CNOT4: variants seen among roughly 807,000 people sequenced by gnomAD.
The protein encoded by CNOT4 is CCR4-NOT transcription complex subunit 4, also known as CCR4-associated factor 4.
Under a neutral mutation model 73.8 loss-of-function variants are expected in CNOT4, and 8 were observed. The ratio of observed to expected loss-of-function variants is 0.11; its 90% CI spans 0.06 to 0.20. The LOEUF is 0.20. Among genes scored for constraint, CNOT4 ranks in the 10% least tolerant of loss-of-function variants. The pLI, the probability that CNOT4 is intolerant of heterozygous loss-of-function variation, is 1.00. For synonymous variants in CNOT4, 293 were observed against 321.1 expected, an observed-to-expected ratio of 0.91 and a Z score of 0.94; for missense variants, 564 against 883.4, an observed-to-expected ratio of 0.64 and a Z score of 4.58.
At chr7:135,381,276 A>G (rs907934633) in intron 10 of CNOT4, among the ~76,000 whole-genome samples, 1 of 152,230 alleles carries the variant, frequency 6.6e-6, no homozygotes, top group Non-Finnish European at 1.5e-5. Flanking sequence ...ATAAAAACAC[A>G]CACACATTCA....
chr7:135,424,660 G>A (rs984074684), intron 2 of CNOT4, among the ~76,000 whole-genome samples: 1 of 152,060 alleles, frequency 6.6e-6, no homozygotes, highest in African/African-American at 2.4e-5. Flanking sequence ...GTGGTAGCAT[G>A]AGCCTGTAAT....
At chr7:135,438,917 A>C (rs533069888) in intron 1 of CNOT4, among the ~76,000 whole-genome samples, 1 of 152,312 alleles carries the variant, frequency 6.6e-6, no homozygotes, top group South Asian at 2.1e-4. Context: ...AACTCAGAAA[A>C]ACTCGGATGC....
intron 10 of CNOT4, among the ~76,000 whole-genome samples, chr7:135,382,991 T>C (rs746710176): frequency 2.0e-5 from 3 of 152,178 alleles, no homozygotes; most frequent in Non-Finnish European, 4.4e-5. Flanking sequence ...ATACAAAATA[T>C]AAGAAACAAG....
chr7:135,474,243 G>T (rs1269062181), intron 1 of CNOT4, among the ~76,000 whole-genome samples: 1 of 144,602 alleles, frequency 6.9e-6, no homozygotes, highest in African/African-American at 2.6e-5. Flanking sequence ...CTCCCAAAGT[G>T]CTGGGATTAC....
At chr7:135,493,535 G>A (rs1414175933) in intron 1 of CNOT4, among the ~76,000 whole-genome samples, 1 of 152,106 alleles carries the variant, frequency 6.6e-6, no homozygotes, top group African/African-American at 2.4e-5. Context: ...AATTCCACTG[G>A]GTTGCACAAT....
intron 1 of CNOT4, among the ~76,000 whole-genome samples, chr7:135,491,813 G>A (rs1466758556): frequency 6.6e-6 from 1 of 152,202 alleles, no homozygotes; most frequent in Admixed American, 6.5e-5. Context: ...AGAATGGCTA[G>A]GGCAATGTCC....
chr7:135,455,295 T>C (rs969218520), intron 1 of CNOT4, among the ~76,000 whole-genome samples: 16 of 150,108 alleles, frequency 1.1e-4, no homozygotes, highest in African/African-American at 3.4e-4. Context: ...AAAAACTATG[T>C]GGCGAAAAAA....
At chr7:135,459,358 T>C (rs924747114) in intron 1 of CNOT4, among the ~76,000 whole-genome samples, 9 of 152,184 alleles carry the variant, frequency 5.9e-5, no homozygotes, top group African/African-American at 1.7e-4. Context: ...GGACGCAGTT[T>C]ACCAACCTCT....
intron 10 of CNOT4, among the ~76,000 whole-genome samples, chr7:135,376,432 T>G (rs1414019865): frequency 7.2e-5 from 11 of 152,214 alleles, no homozygotes; most frequent in Admixed American, 7.2e-4. Context: ...CACTCGGGAC[T>G]GGCCATTCCA....
At chr7:135,483,411 T>C (rs1004164077) in intron 1 of CNOT4, among the ~76,000 whole-genome samples, 4 of 151,986 alleles carry the variant, frequency 2.6e-5, no homozygotes, top group Non-Finnish European at 5.9e-5. Context: ...ATTCCAGGTA[T>C]GCAAGGCTGG....
chr7:135,468,603 C>G (rs1182715725), intron 1 of CNOT4, among the ~76,000 whole-genome samples: 3 of 151,406 alleles, frequency 2.0e-5, no homozygotes, highest in African/African-American at 7.3e-5. Flanking sequence ...ATCGCTTGAA[C>G]TCAGGAGGCA....
chr7:135,460,180 T>C (rs1156620355), intron 1 of CNOT4, among the ~76,000 whole-genome samples: 1 of 152,258 alleles, frequency 6.6e-6, no homozygotes. Flanking sequence ...CGACTCAAAC[T>C]TTCTCCATGT....
intron 1 of CNOT4, among the ~76,000 whole-genome samples, chr7:135,472,689 C>T (rs1801714539): frequency 2.0e-5 from 3 of 149,792 alleles, no homozygotes; most frequent in South Asian, 2.1e-4. Flanking sequence ...ATATGCAACA[C>T]ACGAATTACA....
chr7:135,475,202 C>A (rs1479780488), intron 1 of CNOT4, among the ~76,000 whole-genome samples: 1 of 152,184 alleles, frequency 6.6e-6, no homozygotes, highest in South Asian at 2.1e-4. Flanking sequence ...AGAATCTCAT[C>A]ACTGGAACAC....
At chr7:135,376,321 C>G (rs1321371297) in intron 10 of CNOT4, among the ~76,000 whole-genome samples, 3 of 152,284 alleles carry the variant, frequency 2.0e-5, no homozygotes, top group African/African-American at 4.8e-5. Context: ...ATGACATTCT[C>G]TAACAGCCTC....
intron 7 of CNOT4, among the ~76,000 whole-genome samples, chr7:135,404,646 G>A (rs774465137): frequency 2.3e-4 from 35 of 152,154 alleles, no homozygotes; most frequent in Non-Finnish European, 4.4e-4. Flanking sequence ...CCATTCTGCT[G>A]AACTAATAAG....
At chr7:135,489,373 TTCAGACTAG>T (rs1221326825) in intron 1 of CNOT4, among the ~76,000 whole-genome samples, 1 of 151,106 alleles carries the variant, frequency 6.6e-6, no homozygotes, top group Non-Finnish European at 1.5e-5. Flanking sequence ...ACAATCTTGA[TTCAGACTAG>T]TCACATTTCT....
At position 135,377,327 on chromosome 7, in the gene CNOT4, A is replaced by G. The variant is rs113627710; in HGVS notation, c.1628-13261T>C. 3.0e-4 allele frequency among the ~76,000 whole-genome samples: 46 copies of G among 152,306 alleles called. 1 individual carries two copies. The highest frequency in any genetic ancestry group is 1.0e-3 in the African/African-American group (43 of 41,564). On this transcript the variant is annotated intron_variant, in intron 10 of 11. Transcript: ENST00000541284. ...CACCTATTCACCACCCAGATCATCAATTGGCTTCATCCACTGTAACATATG... is the reference window on the plus strand; with the variant it reads ...CACCTATTCACCACCCAGATCATCAGTTGGCTTCATCCACTGTAACATATG...
At chr7:135,465,978 G>A (rs1231078429) in intron 1 of CNOT4, among the ~76,000 whole-genome samples, 3 of 151,944 alleles carry the variant, frequency 2.0e-5, no homozygotes, top group Admixed American at 1.3e-4. Context: ...GAACCTGGGA[G>A]GCAGAGGTTG....
Sources: allele counts gnomAD v4.1 joint callset (sites outside exome capture counted in the v4.1 genomes callset), GRCh38; gene constraint gnomAD v4.1.1; transcripts MANE v1.5; gene names NCBI Gene and HGNC (gene_info 2026-07-23, HGNC 2026-07-21).